The following C3orf49 variants were observed in gnomAD, a reference collection of about 807,000 sequenced individuals.
C3orf49 encodes putative uncharacterized protein C3orf49.
Under a neutral mutation model 13.3 loss-of-function variants are expected in C3orf49, and 27 were observed. The ratio of observed to expected loss-of-function variants is 2.02; its 90% CI spans 1.49 to 2.79. The LOEUF (loss-of-function observed/expected upper bound fraction) is 2.79. Among genes scored for constraint, C3orf49 ranks in the 30% most tolerant of loss-of-function variants. C3orf49 has a pLI of 0.00. For missense variants in C3orf49, 242 were observed against 134.2 expected (o/e 1.80, Z -3.97); for synonymous variants, 87 against 47.6 (o/e 1.83, Z -3.40).
Position 63,827,737 on chromosome 3 carries a change from A to T in C3orf49, c.570+12A>T. 1.4e-6 allele frequency: 1 copy of T among 701,588 alleles called. No homozygotes were observed. Among genetic ancestry groups the T allele is most frequent in the East Asian group, 2.7e-5 (1 of 37,268 alleles). The allele number at this position is 701,588 out of a possible 1,614,324, so 43.5% of individuals were successfully genotyped here. A position where few individuals can be genotyped will look rare whatever the true frequency, so the allele number is the denominator to read the frequency against. ...CAGGACTGCAAAAGGTAAAACGCTA[A>T]ATGAATTTGCCTCTGAAGACTTACA... On this transcript the variant is annotated intron_variant, in intron 3 of 6. Transcript: ENST00000295896.
chr3:63,805,604 CA>C, the C3orf49 span, among the ~76,000 whole-genome samples: 5 of 152,182 alleles, frequency 3.3e-5, no homozygotes, highest in South Asian at 1.0e-3. Flanking sequence ...CCCACGGGGG[CA>C]AAAACAAATG....
the C3orf49 span, among the ~76,000 whole-genome samples, chr3:63,812,514 G>A: frequency 6.6e-6 from 1 of 152,050 alleles, no homozygotes; most frequent in Non-Finnish European, 1.5e-5. Context: ...AAACTAAGTT[G>A]AAATAAAATA....
intron 3 of C3orf49, among the ~76,000 whole-genome samples, chr3:63,828,007 T>A (rs551497716): frequency 7.9e-5 from 12 of 152,250 alleles, no homozygotes; most frequent in Non-Finnish European, 1.8e-4. Context: ...ATTAGCATTC[T>A]GGCCTATCTG....
chr3:63,801,893 T>A, the C3orf49 span, among the ~76,000 whole-genome samples: 1 of 152,182 alleles, frequency 6.6e-6, no homozygotes, highest in Non-Finnish European at 1.5e-5. Flanking sequence ...AGCAAGTGTG[T>A]CCATTTTGCT....
chr3:63,835,566 C>G (rs1701615118), intron 5 of C3orf49, among the ~76,000 whole-genome samples: 1 of 152,078 alleles, frequency 6.6e-6, no homozygotes, highest in South Asian at 2.1e-4. Context: ...TTCTTAACTT[C>G]TAAATATGGA....
chr3:63,822,435 G>T (rs574929101), intron 1 of C3orf49, among the ~76,000 whole-genome samples: 7 of 152,184 alleles, frequency 4.6e-5, no homozygotes, highest in African/African-American at 1.7e-4. Flanking sequence ...TTGTATCACC[G>T]TACAGGTGAT....
At chr3:63,838,987 T>C (rs894560875) in intron 5 of C3orf49, among the ~76,000 whole-genome samples, 27 of 152,204 alleles carry the variant, frequency 1.8e-4, no homozygotes, top group Non-Finnish European at 1.5e-4. Context: ...TGCTAGAAGT[T>C]TGACACCAGC....
At chr3:63,792,005 C>A in the C3orf49 span, among the ~76,000 whole-genome samples, 3 of 152,158 alleles carry the variant, frequency 2.0e-5, no homozygotes, top group South Asian at 6.2e-4. Flanking sequence ...ACATACATAC[C>A]TCTGTAAAAC....
chr3:63,839,681 A>C (rs1282761556), intron 5 of C3orf49: 1 of 1,612,144 alleles, frequency 6.2e-7, no homozygotes, highest in Non-Finnish European at 8.5e-7. Flanking sequence ...CCAGAGTTGC[A>C]CCATTTAATG....
the C3orf49 span, among the ~76,000 whole-genome samples, chr3:63,800,360 C>T: frequency 6.6e-6 from 1 of 152,126 alleles, no homozygotes; most frequent in Non-Finnish European, 1.5e-5. Context: ...CTTGAATGAG[C>T]ATCACCCCCA....
At chr3:63,810,823 C>G in the C3orf49 span, among the ~76,000 whole-genome samples, 1 of 152,152 alleles carries the variant, frequency 6.6e-6, no homozygotes, top group Admixed American at 6.5e-5. Context: ...CATAATTTTC[C>G]GAGAATATCA....
chr3:63,823,766 TTGTGTGTGTGTGTGTGTG>T (rs55765936), intron 2 of C3orf49, among the ~76,000 whole-genome samples, 197 bp downstream of exon 2: 44 of 123,054 alleles, frequency 3.6e-4, no homozygotes, highest in South Asian at 9.5e-4. Flanking sequence ...GTTCATACCG[TTGTGTGTGTGTGTGTGTG>T]TGTGTGTGTG....
At chr3:63,830,971 GTCTGCAA>G (rs1222674158) in intron 3 of C3orf49, 132 bp from the exon 4 acceptor site, 1 of 601,778 alleles carries the variant, frequency 1.7e-6, no homozygotes, top group Non-Finnish European at 2.9e-6. Flanking sequence ...TATGAATACA[GTCTGCAA>G]TCCAATATTG....
chr3:63,816,769 C>CTTTTTTTT (rs543894356), upstream of C3orf49, among the ~76,000 whole-genome samples: 37 of 97,164 alleles, frequency 3.8e-4, no homozygotes, highest in Non-Finnish European at 4.8e-4. Flanking sequence ...CTTTTCTTTT[C>CTTTTTTTT]TTTTTTTTTT....
chr3:63,818,627 C>CAGAA (rs1227057047), upstream of C3orf49, among the ~76,000 whole-genome samples: 1 of 152,216 alleles, frequency 6.6e-6, no homozygotes, highest in East Asian at 1.9e-4. Flanking sequence ...TTGTAACTCC[C>CAGAA]AGAACCTTTC....
chr3:63,841,249 CAG>C (rs571794373), intron 5 of C3orf49, among the ~76,000 whole-genome samples: 65 of 152,262 alleles, frequency 4.3e-4, no homozygotes, highest in African/African-American at 1.5e-3. Flanking sequence ...TGTGTGTATT[CAG>C]AGACTATCCT....
the C3orf49 span, among the ~76,000 whole-genome samples, chr3:63,793,177 A>G: frequency 6.6e-6 from 1 of 152,150 alleles, no homozygotes; most frequent in Non-Finnish European, 1.5e-5. Flanking sequence ...GACTATATCA[A>G]CTGTTTAAAT....
At chr3:63,793,749 G>A in the C3orf49 span, among the ~76,000 whole-genome samples, 129 of 152,216 alleles carry the variant, frequency 8.5e-4, no homozygotes, top group African/African-American at 3.0e-3. Context: ...AAATATATGG[G>A]CAATCTTCCT....
intron 5 of C3orf49, chr3:63,838,274 T>A: frequency 1.0e-6 from 1 of 992,676 alleles, no homozygotes; most frequent in East Asian, 2.7e-5. Context: ...ACAGTAATTG[T>A]TATTATTCTT....
Sources: gnomAD v4.1 joint callset for allele counts (sites outside exome capture counted in the v4.1 genomes callset) on GRCh38, gnomAD v4.1.1 for gene constraint, MANE v1.5 for transcripts, NCBI Gene and HGNC (gene_info 2026-07-23, HGNC 2026-07-21) for gene names.